CPA6: variants seen among roughly 807,000 people sequenced by gnomAD.
CPA6 encodes the protein carboxypeptidase B.
A neutral mutation model predicts 63.3 loss-of-function variants in CPA6; 58 were observed. The observed-to-expected ratio is 0.92, with a 90% CI of 0.74 to 1.14. CPA6 has a LOEUF of 1.14. CPA6 is among the 50% of genes most tolerant of loss of function. The probability of loss-of-function intolerance (pLI) is 0.00; values close to 1 mark genes in which losing one functional copy is unlikely to be tolerated. For synonymous variants in CPA6, 185 were observed against 179.0 expected (o/e 1.03, Z -0.27); for missense variants, 565 against 526.6 (o/e 1.07, Z -0.71).
intron 2 of CPA6, among the ~76,000 whole-genome samples, chr8:67,621,633 A>C (rs889657183): frequency 7.9e-5 from 12 of 152,260 alleles, no homozygotes; most frequent in African/African-American, 2.9e-4. Context: ...AAGATTGTTA[A>C]AATGAGGCAA....
intron 2 of CPA6, among the ~76,000 whole-genome samples, chr8:67,599,807 G>T (rs560746158): frequency 6.6e-6 from 1 of 152,300 alleles, no homozygotes; most frequent in East Asian, 1.9e-4. Flanking sequence ...TCTCATAGTG[G>T]AGAAATGCTC....
intron 1 of CPA6, among the ~76,000 whole-genome samples, chr8:67,660,767 G>C (rs1402970991): frequency 6.6e-6 from 1 of 152,080 alleles, no homozygotes; most frequent in Non-Finnish European, 1.5e-5. Context: ...TGTGGTGATT[G>C]ATTCCATCGG....
chr8:67,502,720 G>A (rs1811852574), intron 6 of CPA6, among the ~76,000 whole-genome samples: 1 of 152,126 alleles, frequency 6.6e-6, no homozygotes, highest in Admixed American at 6.6e-5. Flanking sequence ...AACTTCCCTT[G>A]AGATTTTATC....
In CPA6 at chr8:67,668,269, A is replaced by G. The variant is rs562473442; in HGVS notation, c.117-44018T>C. On this transcript the variant is annotated intron_variant, in intron 1 of 10. Coordinates refer to ENST00000297770, the MANE Select transcript of CPA6 (RefSeq NM_020361.5). ...AAGTAACTTTGATAGCTTCCAATGA[A>G]TTAAAAATCTATATTTTCTATACCC... 7.2e-5 allele frequency among the ~76,000 whole-genome samples: 11 copies of G among 152,338 alleles called. No individual in the cohort carries two copies. The South Asian group carries it at 2.3e-3, about 32-fold the overall frequency.
intron 1 of CPA6, among the ~76,000 whole-genome samples, chr8:67,656,766 G>A (rs1257677393): frequency 6.6e-6 from 1 of 152,188 alleles, no homozygotes; most frequent in Non-Finnish European, 1.5e-5. Flanking sequence ...ATCTGTATGG[G>A]CCTACAACCC....
At chr8:67,602,834 A>G (rs1383863627) in intron 2 of CPA6, among the ~76,000 whole-genome samples, 1 of 152,186 alleles carries the variant, frequency 6.6e-6, no homozygotes, top group East Asian at 1.9e-4. Context: ...GTCCATCATA[A>G]ATACCGCATG....
intron 2 of CPA6, among the ~76,000 whole-genome samples, chr8:67,530,148 C>T (rs1812447753): frequency 6.6e-6 from 1 of 151,088 alleles, no homozygotes; most frequent in African/African-American, 2.4e-5. Context: ...AATTTAAAAT[C>T]CATACAATAA....
chr8:67,705,938 A>G (rs1817125005), intron 1 of CPA6, among the ~76,000 whole-genome samples: 1 of 152,222 alleles, frequency 6.6e-6, no homozygotes, highest in Non-Finnish European at 1.5e-5. Flanking sequence ...TTATAAAGGT[A>G]AAGAGGTATT....
chr8:67,509,622 A>G lies in CPA6; in HGVS notation c.433-4T>C, dbSNP rs775127142. ...GATGATGCATCCAATTTTGAATCTA[A>G]GAGCAAATAAATAAAAACTATGTTA... On this transcript the variant is annotated splice_polypyrimidine_tract_variant and splice_region_variant and intron_variant, in intron 4 of 10. Coordinates refer to ENST00000297770, the MANE Select transcript of CPA6 (RefSeq NM_020361.5). 3.4e-6 allele frequency: 5 copies of G among 1,474,430 alleles called. No individual in the cohort carries two copies. Among genetic ancestry groups the G allele is most frequent in the Non-Finnish European group, 4.7e-6 (5 of 1,062,920 alleles). 91.3% of individuals were successfully genotyped at this position (1,474,430 alleles called of 1,614,324 possible). A position where few individuals can be genotyped will look rare whatever the true frequency, so the allele number is the denominator to read the frequency against.
chr8:67,538,509 C>CTTTTTTTTTTTTTT, intron 2 of CPA6, among the ~76,000 whole-genome samples: 1 of 142,280 alleles, frequency 7.0e-6, no homozygotes, highest in African/African-American at 2.7e-5. Flanking sequence ...GATTGCAACC[C>CTTTTTTTTTTTTTT]CTGTTTTTTT....
chr8:67,732,439 T>A (rs1563412532), intron 1 of CPA6: 1 of 152,228 alleles, frequency 6.6e-6, no homozygotes, highest in Admixed American at 6.5e-5. Context: ...CCTTTGAAAA[T>A]CTTCACTGAA....
chr8:67,566,633 AG>A (rs1053778689), intron 2 of CPA6, among the ~76,000 whole-genome samples: 2 of 152,140 alleles, frequency 1.3e-5, no homozygotes, highest in Admixed American at 6.5e-5. Flanking sequence ...CTCTACCCAA[AG>A]TGGACATTTT....
At chr8:67,629,922 C>T (rs1815283996) in intron 1 of CPA6, among the ~76,000 whole-genome samples, 1 of 151,820 alleles carries the variant, frequency 6.6e-6, no homozygotes, top group Non-Finnish European at 1.5e-5. Context: ...TTGGCTAACA[C>T]AGTGAAACTC....
chr8:67,577,744 T>G (rs1813663716), intron 2 of CPA6, among the ~76,000 whole-genome samples: 1 of 152,138 alleles, frequency 6.6e-6, no homozygotes. Flanking sequence ...GAGAAATAAA[T>G]GTCATTTAAA....
intron 1 of CPA6, among the ~76,000 whole-genome samples, chr8:67,666,718 T>G (rs896361583): frequency 6.6e-6 from 1 of 151,998 alleles, no homozygotes; most frequent in African/African-American, 2.4e-5. Flanking sequence ...TATAGGCTCA[T>G]GACACGATGT....
At chr8:67,682,204 C>T (rs1816613648) in intron 1 of CPA6, among the ~76,000 whole-genome samples, 1 of 151,338 alleles carries the variant, frequency 6.6e-6, no homozygotes, top group African/African-American at 2.4e-5. Flanking sequence ...GAGTTTCTGG[C>T]CATTACCTAA....
intron 1 of CPA6, among the ~76,000 whole-genome samples, chr8:67,632,289 G>C (rs955849072): frequency 1.3e-5 from 2 of 151,858 alleles, no homozygotes; most frequent in African/African-American, 4.8e-5. Context: ...TCCTACCTCA[G>C]CCTTCCAAGT....
At chr8:67,576,113 C>T (rs1057487327) in intron 2 of CPA6, among the ~76,000 whole-genome samples, 8 of 152,112 alleles carry the variant, frequency 5.3e-5, no homozygotes, top group African/African-American at 1.9e-4. Flanking sequence ...AGATCTACTG[C>T]ACAGCATGGT....
chr8:67,454,994 G>A (rs1810638383), intron 8 of CPA6, among the ~76,000 whole-genome samples: 2 of 152,024 alleles, frequency 1.3e-5, no homozygotes, highest in African/African-American at 4.8e-5. Flanking sequence ...GGAGCCCTGG[G>A]GTAACTACAA....
Sources: gnomAD v4.1 joint callset for allele counts (sites outside exome capture counted in the v4.1 genomes callset) on GRCh38, gnomAD v4.1.1 for gene constraint, MANE v1.5 for transcripts, NCBI Gene and HGNC (gene_info 2026-07-23, HGNC 2026-07-21) for gene names.